Variants in MSN observed in about 807,000 individuals in gnomAD.
MSN encodes the protein epididymis luminal protein 70.
In MSN, 2 loss-of-function variants were observed where a neutral mutation model predicts 48.0. The observed-to-expected ratio is 0.04, with a 90% CI of 0.02 to 0.13. The LOEUF is 0.13. Among genes scored for constraint, MSN ranks in the 10% least tolerant of loss-of-function variants. MSN has a pLI of 1.00. For synonymous variants in MSN, 146 were observed against 166.9 expected (o/e 0.87, Z 0.97); for missense variants, 267 against 470.1 (o/e 0.57, Z 3.99).
intron 1 of MSN, among the ~76,000 whole-genome samples, chrX:65,702,649 G>A (rs1236942361): frequency 4.1e-5 from 4 of 97,373 alleles, no homozygotes; most frequent in Admixed American, 2.0e-4. Context: ...CTGGGTGACA[G>A]AGTGAGACTC....
chrX:65,655,889 C>A (rs2070777161), intron 1 of MSN, among the ~76,000 whole-genome samples: 2 of 111,832 alleles, frequency 1.8e-5, no homozygotes, highest in African/African-American at 6.5e-5. Flanking sequence ...GCCTTAGCCT[C>A]CCAAGTAGCT....
chrX:65,648,980 A>G (rs1390922213), intron 1 of MSN, among the ~76,000 whole-genome samples: 1 of 110,826 alleles, frequency 9.0e-6, no homozygotes, highest in African/African-American at 3.3e-5. Context: ...GATGAGGAGA[A>G]AATGCCAAAG....
At chrX:65,696,944 T>C (rs2071249015) in intron 1 of MSN, among the ~76,000 whole-genome samples, 1 of 109,898 alleles carries the variant, frequency 9.1e-6, no homozygotes, top group South Asian at 4.1e-4. Flanking sequence ...CCCAAGAGCA[T>C]TCTTTGGGCT....
intron 2 of MSN, among the ~76,000 whole-genome samples, chrX:65,726,915 G>C (rs1221186359): frequency 9.0e-6 from 1 of 111,424 alleles, no homozygotes. Context: ...GCTAATGTCA[G>C]GGACTAGAGA....
intron 1 of MSN, among the ~76,000 whole-genome samples, chrX:65,654,001 C>T (rs1305295222): frequency 2.7e-5 from 3 of 110,277 alleles, no homozygotes; most frequent in African/African-American, 9.9e-5. Context: ...GTCTTGAACT[C>T]CTGACCTCAG....
At chrX:65,603,711 C>T (rs1332353432) in intron 1 of MSN, among the ~76,000 whole-genome samples, 8 of 112,567 alleles carry the variant, frequency 7.1e-5, no homozygotes, top group African/African-American at 2.6e-4. Context: ...AGAGCCATAT[C>T]TAATAAACTT....
chrX:65,701,151 C>T (rs1225561026), intron 1 of MSN, among the ~76,000 whole-genome samples: 4 of 111,786 alleles, frequency 3.6e-5, no homozygotes, highest in Non-Finnish European at 7.5e-5. Context: ...GTGTTTAAGA[C>T]GCAGAGAACT....
At chrX:65,596,627 C>T (rs866025893) in intron 1 of MSN, among the ~76,000 whole-genome samples, 1 of 103,345 alleles carries the variant, frequency 9.7e-6, no homozygotes, top group Non-Finnish European at 2.0e-5. Context: ...TCAGCTTCCT[C>T]AAGCTCCAGG....
At chrX:65,613,153 G>A (rs2070335890) in intron 1 of MSN, among the ~76,000 whole-genome samples, 1 of 111,797 alleles carries the variant, frequency 8.9e-6, no homozygotes, top group African/African-American at 3.3e-5. Flanking sequence ...GTGTTAGTTT[G>A]CTGAGAATGA....
chrX:65,636,937 A>C (rs1403420444), intron 1 of MSN, among the ~76,000 whole-genome samples: 1 of 100,783 alleles, frequency 9.9e-6, no homozygotes, highest in Non-Finnish European at 2.0e-5. Context: ...AAAAAAAAAA[A>C]AAAACTTAGC....
rs1314794796 is a variant in MSN, at chrX:65,668,311, G to A, written c.12+458G>A. Among the ~76,000 whole-genome samples, 28 of 112,198 alleles carry A rather than the reference G, an allele frequency of 2.5e-4. No homozygotes were observed. In the Admixed American group the frequency reaches 2.6e-3, roughly 11 times the overall value. On this transcript the variant is annotated intron_variant, in intron 1 of 12. Coordinates refer to ENST00000360270, the MANE Select transcript of MSN (RefSeq NM_002444.3). ...GGGAGAAAGGAGGGAGCCGCTCGGG[G>A]CGGATCCGGCACCCCCACTCATCTT...
Position 65,737,200 on chromosome X carries a change from G to A in MSN, c.1113G>A (p.Arg371=), listed in dbSNP as rs761050582. 9.4e-5 allele frequency: 113 copies of A among 1,204,539 alleles called. No individual in the cohort carries two copies. The Admixed American group carries it at 2.4e-3, about 25-fold the overall frequency. The change falls in exon 10 of 13, where the codon AGG becomes AGA. Residue 371 remains arginine, a synonymous_variant. Transcript: ENST00000360270. ...AQQELEEQTR[R]ALELEQERKR... ...CAGAACTGGAAGAACAGACCCGTAG[G>A]GCTCTGGAACTTGAGCAGGAACGGA...
chrX:65,694,912 T>A (rs2071216143), intron 1 of MSN, among the ~76,000 whole-genome samples: 2 of 111,797 alleles, frequency 1.8e-5, no homozygotes, highest in African/African-American at 6.5e-5. Context: ...ATGGAGGATG[T>A]AGGAAGGAGA....
chrX:65,605,788 CCTT>C (rs2070273720), intron 1 of MSN, among the ~76,000 whole-genome samples: 2 of 111,830 alleles, frequency 1.8e-5, no homozygotes, highest in South Asian at 7.5e-4. Flanking sequence ...CTGATTCACT[CCTT>C]CCTCAGGCAT....
chrX:65,600,030 T>C (rs1477058947), intron 1 of MSN, among the ~76,000 whole-genome samples: 1 of 107,739 alleles, frequency 9.3e-6, no homozygotes, highest in African/African-American at 3.4e-5. Context: ...AAGAATCTGA[T>C]GTGGTGTGGT....
intron 3 of MSN, 67 bp downstream of exon 3, chrX:65,727,976 C>A: frequency 9.8e-7 from 1 of 1,015,967 alleles, no homozygotes; most frequent in South Asian, 2.0e-5. Flanking sequence ...GGGAGGGTAC[C>A]ATGTGCTAGT....
intron 1 of MSN, among the ~76,000 whole-genome samples, chrX:65,715,934 C>T (rs1290333326): frequency 6.3e-5 from 7 of 111,896 alleles, no homozygotes; most frequent in South Asian, 3.7e-4. Context: ...CCAGCTTTGG[C>T]GCATTCAGTA....
intron 1 of MSN, among the ~76,000 whole-genome samples, chrX:65,688,496 CTT>C (rs1024287207): frequency 7.2e-5 from 8 of 111,743 alleles, no homozygotes; most frequent in African/African-American, 2.3e-4. Context: ...AGACAGAAGA[CTT>C]TGGTTTTCGA....
chrX:65,707,789 C>T (rs1208928299), intron 1 of MSN, among the ~76,000 whole-genome samples: 1 of 111,902 alleles, frequency 8.9e-6, no homozygotes, highest in Admixed American at 9.4e-5. Flanking sequence ...GCCTGCAGCC[C>T]ATCTTGCACT....
Sources: gnomAD v4.1 joint callset for allele counts (sites outside exome capture counted in the v4.1 genomes callset) on GRCh38, gnomAD v4.1.1 for gene constraint, MANE v1.5 for transcripts, NCBI Gene and HGNC (gene_info 2026-07-23, HGNC 2026-07-21) for gene names.